The following NTM variants were observed in gnomAD, a reference collection of about 807,000 sequenced individuals.
NTM encodes neurotrimin.
NTM carries 13 observed loss-of-function variants against 42.1 expected under a neutral mutation model. That is an observed-to-expected ratio of 0.31 (90% CI 0.20 to 0.49). The LOEUF (loss-of-function observed/expected upper bound fraction) is 0.49. Among genes scored for constraint, NTM ranks in the 20% least tolerant of loss-of-function variants. The probability of loss-of-function intolerance (pLI) is 0.99; values close to 1 mark genes in which losing one functional copy is unlikely to be tolerated. For missense variants in NTM, 373 were observed against 452.8 expected, an observed-to-expected ratio of 0.82 and a Z score of 1.60; for synonymous variants, 187 against 179.2, an observed-to-expected ratio of 1.04 and a Z score of -0.35.
At chr11:131,476,319 G>A (rs1952935776) in intron 1 of NTM, among the ~76,000 whole-genome samples, 1 of 152,210 alleles carries the variant, frequency 6.6e-6, no homozygotes. Flanking sequence ...ACAAGTGAGT[G>A]GCAGGGTTGG....
At chr11:131,997,801 A>G (rs1362710978) in intron 2 of NTM, among the ~76,000 whole-genome samples, 3 of 152,060 alleles carry the variant, frequency 2.0e-5, no homozygotes, top group Non-Finnish European at 4.4e-5. Flanking sequence ...ATTTGCCCAG[A>G]CCCTGTTAGC....
rs114662901 is a variant in NTM, at chr11:131,843,945, G to A, written c.83-67619G>A. On this transcript the variant is annotated intron_variant, in intron 1 of 8. Coordinates refer to ENST00000683400, the MANE Select transcript of NTM (RefSeq NM_001352005.2). ...ATTCTTTTTTACATGCATTGCAGTT[G>A]CAAATTTTTTCTCCCAGCCTGTGTC... Among the ~76,000 whole-genome samples the A allele has an allele frequency of 1.8e-3, 277 of 151,512 alleles. 2 individuals carry two copies. The highest frequency in any genetic ancestry group is 6.0e-3 in the African/African-American group (248 of 41,300).
At chr11:132,004,384 T>C (rs556924630) in intron 2 of NTM, among the ~76,000 whole-genome samples, 2 of 152,358 alleles carry the variant, frequency 1.3e-5, no homozygotes, top group East Asian at 3.9e-4. Context: ...CCAGCACCTC[T>C]TTCTTTATTA....
rs1205870299 is a variant in NTM at position 132,146,020 on chromosome 11, A to T, written c.168-262A>T. 6.6e-6 allele frequency among the ~76,000 whole-genome samples: 1 copy of T among 152,204 alleles called. No homozygotes were observed. The highest frequency in any genetic ancestry group is 2.4e-5 in the African/African-American group (1 of 41,448). On this transcript the variant is annotated intron_variant, in intron 2 of 8. Coordinates refer to ENST00000683400, the MANE Select transcript of NTM (RefSeq NM_001352005.2). This position sits in a 1 kb window ranked among gnomAD's most constrained non-coding sequence, Gnocchi z 4.5. ...TCCAGCCATCCTGGGCATGCAAGGT[A>T]CCTCTAGGTTATAACTGAGATCGTA...
chr11:132,210,939 T>A (rs1230710967), intron 3 of NTM, among the ~76,000 whole-genome samples: 1 of 151,980 alleles, frequency 6.6e-6, no homozygotes, highest in Non-Finnish European at 1.5e-5. Flanking sequence ...AGTCATTTAG[T>A]GGAGAAAGAA....
At chr11:132,136,726 T>G (rs2067990509) in intron 2 of NTM, among the ~76,000 whole-genome samples, 1 of 152,312 alleles carries the variant, frequency 6.6e-6, no homozygotes, top group South Asian at 2.1e-4. Flanking sequence ...GTGATATTTT[T>G]TTTTCCTCTT....
In NTM at chr11:131,758,379, A is replaced by G. The variant is rs188747015; in HGVS notation, c.83-153185A>G. 3.6e-3 allele frequency among the ~76,000 whole-genome samples: 540 copies of G among 151,936 alleles called. 4 individuals are homozygous for G. Among genetic ancestry groups the G allele is most frequent in the African/African-American group, 0.012 (508 of 41,440 alleles). ...ATTTACATTTGAAAAAGTGAACCATACTTCACTTTCATTATGAAACACTGT... is the reference window on the plus strand; with the variant it reads ...ATTTACATTTGAAAAAGTGAACCATGCTTCACTTTCATTATGAAACACTGT... On this transcript the variant is annotated intron_variant, in intron 1 of 8. Coordinates refer to ENST00000683400, the MANE Select transcript of NTM (RefSeq NM_001352005.2).
At chr11:132,218,263 A>G (rs914737464) in intron 4 of NTM, among the ~76,000 whole-genome samples, 5 of 152,186 alleles carry the variant, frequency 3.3e-5, no homozygotes, top group African/African-American at 1.2e-4. Flanking sequence ...ACCCAACACC[A>G]AAGGACTGAG....
At position 131,858,568 on chromosome 11, in the gene NTM, G is replaced by T. The variant is rs114490449; in HGVS notation, c.83-52996G>T. 3.0e-3 allele frequency among the ~76,000 whole-genome samples: 454 copies of T among 152,282 alleles called. 1 individual carries two copies. The highest frequency in any genetic ancestry group is 0.01 in the African/African-American group (429 of 41,562). On this transcript the variant is annotated intron_variant, in intron 1 of 8. Transcript: ENST00000683400. Reference sequence around the variant, plus strand: ...TTTTCCGCACGCTGGTGGGCTAAGTGAATATAAAATCGGATGGTAAGTTAA... The same window carrying T: ...TTTTCCGCACGCTGGTGGGCTAAGTTAATATAAAATCGGATGGTAAGTTAA...
At chr11:131,538,121 G>C (rs977484684) in intron 1 of NTM, 7 of 151,614 alleles carry the variant, frequency 4.6e-5, no homozygotes, top group African/African-American at 1.7e-4. Flanking sequence ...CTGGGGAGAA[G>C]GGAAGAGGAG....
Position 131,444,450 on chromosome 11 carries a change from C to T in NTM, c.82+73562C>T, listed in dbSNP as rs146389122. 3.1e-3 allele frequency among the ~76,000 whole-genome samples: 470 copies of T among 152,092 alleles called. 3 individuals carry two copies. Among genetic ancestry groups the T allele is most frequent in the Non-Finnish European group, 5.4e-3 (365 of 68,004 alleles). On this transcript the variant is annotated intron_variant, in intron 1 of 8. Coordinates refer to ENST00000683400, the MANE Select transcript of NTM (RefSeq NM_001352005.2). ...TTGCAGTTAGGAGGTCTTGGGTGAT[C>T]TGACTAAAAGCAGTTTCAATAGAAT...
intron 5 of NTM, 41 bp downstream of exon 5, chr11:132,307,864 G>C (rs1443591563): frequency 1.9e-6 from 3 of 1,599,960 alleles, no homozygotes; most frequent in Non-Finnish European, 2.6e-6. Context: ...CGTGCATCAG[G>C]CTGGCCTGTT....
chr11:131,464,539 G>T (rs930158032), intron 1 of NTM, among the ~76,000 whole-genome samples: 1 of 151,936 alleles, frequency 6.6e-6, no homozygotes, highest in African/African-American at 2.4e-5. Context: ...TCTCTTCCTG[G>T]CTCCCTCCTC....
Position 131,911,714 on chromosome 11 carries a change from C to T in NTM, c.167+66C>T, listed in dbSNP as rs1048459900. The T allele has an allele frequency of 6.3e-6, 10 of 1,594,036 alleles. No individual in the cohort carries two copies. In the Admixed American group the frequency reaches 1.7e-4, roughly 27 times the overall value. On this transcript the variant is annotated intron_variant, in intron 2 of 8. Transcript: ENST00000683400. Reference sequence around the variant, plus strand: ...GGGGTCGGGGTAAGGGGCAGGGGTGCAGGTGTGTGCACTGAGGCGTGCCTG... The same window carrying T: ...GGGGTCGGGGTAAGGGGCAGGGGTGTAGGTGTGTGCACTGAGGCGTGCCTG...
intron 2 of NTM, among the ~76,000 whole-genome samples, chr11:132,041,768 A>G (rs1490784208): frequency 6.6e-6 from 1 of 152,324 alleles, no homozygotes; most frequent in East Asian, 1.9e-4. Flanking sequence ...CTTTGGAAGC[A>G]TAAGACATGA....
At chr11:131,678,521 G>A (rs116586926) in intron 1 of NTM, among the ~76,000 whole-genome samples, 3,821 of 152,310 alleles carry the variant, frequency 0.025, 158 homozygotes, top group African/African-American at 0.087. Flanking sequence ...CCTTCCTCCT[G>A]TACTCCCTCT....
chr11:131,795,617 C>T (rs1176074032), intron 1 of NTM: 1 of 985,372 alleles, frequency 1.0e-6, no homozygotes, highest in African/African-American at 1.7e-5. Flanking sequence ...ATGGGAGACC[C>T]TTGTAGGAGC....
chr11:131,834,707 G>A (rs2043275876), intron 1 of NTM, among the ~76,000 whole-genome samples: 1 of 149,878 alleles, frequency 6.7e-6, no homozygotes, highest in Admixed American at 6.7e-5. Flanking sequence ...TACACATGAG[G>A]AATCTGAGGC....
At chr11:131,492,531 C>T (rs940968646) in intron 1 of NTM, among the ~76,000 whole-genome samples, 5 of 152,236 alleles carry the variant, frequency 3.3e-5, no homozygotes, top group African/African-American at 1.2e-4. Flanking sequence ...GGTGGTATGG[C>T]TCCAAATTCA....
Sources: gnomAD v4.1 joint callset for allele counts (sites outside exome capture counted in the v4.1 genomes callset) on GRCh38, gnomAD v4.1.1 for gene constraint, Gnocchi (gnomAD v3.1) non-coding constraint, MANE v1.5 for transcripts, NCBI Gene and HGNC (gene_info 2026-07-23, HGNC 2026-07-21) for gene names.